Variants in DLG2 observed in about 807,000 individuals in gnomAD.
The protein encoded by DLG2 is disks large homolog 2.
In DLG2, 45 loss-of-function variants were observed where a neutral mutation model predicts 132.5. The observed-to-expected ratio is 0.34, with a 90% confidence interval of 0.27 to 0.44. The LOEUF (loss-of-function observed/expected upper bound fraction) is 0.44, where lower values mean the gene tolerates loss of function less well. Ranked by LOEUF, DLG2 falls within the 20% of genes least tolerant of loss-of-function variation. The pLI is 1.00. For synonymous variants in DLG2, 424 were observed against 419.6 expected, an observed-to-expected ratio of 1.01 and a Z score of -0.13; for missense variants, 1,045 against 1,196.9, an observed-to-expected ratio of 0.87 and a Z score of 1.87.
At chr11:85,583,126 GTGTGTATATATATATATATATATA>G (rs1232333991) in intron 3 of DLG2, among the ~76,000 whole-genome samples, 10 of 34,306 alleles carry the variant, frequency 2.9e-4, no homozygotes, top group Non-Finnish European at 5.3e-4. Flanking sequence ...GTGTGTGTGT[GTGTGTATATATATATATATATATA>G]TATATATATA....
intron 19 of DLG2, among the ~76,000 whole-genome samples, chr11:83,595,164 T>C (rs1476735630): frequency 6.6e-6 from 1 of 152,226 alleles, no homozygotes; most frequent in Non-Finnish European, 1.5e-5. Flanking sequence ...GCCCTTTGTT[T>C]CTCAAATGTA....
intron 10 of DLG2, among the ~76,000 whole-genome samples, chr11:84,074,290 C>T (rs2096794683): frequency 6.6e-6 from 1 of 152,012 alleles, no homozygotes; most frequent in Admixed American, 6.6e-5. Context: ...TTTCCTTCAC[C>T]CTCTACATCC....
chr11:83,470,245 TATA>T (rs1163491696), intron 24 of DLG2, among the ~76,000 whole-genome samples: 16 of 152,184 alleles, frequency 1.1e-4, no homozygotes, highest in African/African-American at 3.1e-4. Flanking sequence ...TTAATTGGGA[TATA>T]ATAATCATTT....
intron 4 of DLG2, among the ~76,000 whole-genome samples, chr11:85,212,330 C>T (rs1031475312): frequency 1.3e-5 from 2 of 151,938 alleles, no homozygotes; most frequent in Non-Finnish European, 1.5e-5. Context: ...TTTCTTTCTC[C>T]GTCTTTCTCT....
At chr11:85,624,762 T>A (rs767934895) in intron 2 of DLG2, among the ~76,000 whole-genome samples, 1 of 152,160 alleles carries the variant, frequency 6.6e-6, no homozygotes, top group Non-Finnish European at 1.5e-5. Flanking sequence ...ATACAACATA[T>A]ACTCTGGTAT....
chr11:84,734,824 T>C (rs1178632918), intron 6 of DLG2, among the ~76,000 whole-genome samples: 5 of 152,206 alleles, frequency 3.3e-5, no homozygotes, highest in Admixed American at 2.6e-4. Flanking sequence ...CAATACCTAA[T>C]TGATTGAGAG....
rs1183522538 is a variant in DLG2 at position 84,834,616 on chromosome 11, A to G, written c.357+277045T>C. ...CAACTCTAAAGAAAAATAGCAATGA[A>G]AGGAAGAGAAGCAGGGGGTTAGGAC... On this transcript the variant is annotated intron_variant, in intron 6 of 27. Transcript: ENST00000376104. 4.0e-5 allele frequency among the ~76,000 whole-genome samples: 6 copies of G among 151,652 alleles called. No homozygotes were observed. The East Asian group carries it at 1.2e-3, about 30-fold the overall frequency.
intron 26 of DLG2, among the ~76,000 whole-genome samples, chr11:83,464,695 C>A (rs1206281998): frequency 6.6e-6 from 1 of 152,214 alleles, no homozygotes; most frequent in African/African-American, 2.4e-5. Flanking sequence ...AGGCAGTAGA[C>A]CTTCTCCTAT....
chr11:84,266,922 G>A (rs1305531155), intron 7 of DLG2, among the ~76,000 whole-genome samples: 1 of 152,234 alleles, frequency 6.6e-6, no homozygotes, highest in African/African-American at 2.4e-5. Flanking sequence ...TGGCACTGCA[G>A]AAAGTAGGAA....
chr11:85,499,993 CTGAA>C (rs1175476635), intron 3 of DLG2, among the ~76,000 whole-genome samples: 4 of 152,136 alleles, frequency 2.6e-5, no homozygotes, highest in Non-Finnish European at 5.9e-5. Context: ...AAATATCACA[CTGAA>C]TGGGCAAAAG....
intron 6 of DLG2, among the ~76,000 whole-genome samples, chr11:84,549,108 G>T (rs1052198602): frequency 3.3e-5 from 5 of 152,294 alleles, no homozygotes; most frequent in Admixed American, 2.6e-4. Flanking sequence ...TTAATTTTGA[G>T]AACTGGCTGA....
At chr11:83,832,455 C>T (rs760309049) in intron 17 of DLG2, among the ~76,000 whole-genome samples, 1 of 152,086 alleles carries the variant, frequency 6.6e-6, no homozygotes, top group Non-Finnish European at 1.5e-5. Flanking sequence ...CCCTTTGCAC[C>T]AATGCAGATG....
At chr11:85,428,028 G>A (rs535135060) in intron 3 of DLG2, among the ~76,000 whole-genome samples, 2 of 152,266 alleles carry the variant, frequency 1.3e-5, no homozygotes, top group African/African-American at 4.8e-5. Flanking sequence ...AAGAGACAAA[G>A]AAGGCCATTA....
At chr11:85,480,346 G>C (rs1349355852) in intron 3 of DLG2, among the ~76,000 whole-genome samples, 2 of 151,976 alleles carry the variant, frequency 1.3e-5, no homozygotes, top group African/African-American at 2.4e-5. Context: ...TATCCTAATT[G>C]TCCATCAACA....
intron 18 of DLG2, among the ~76,000 whole-genome samples, chr11:83,781,574 G>A (rs1455153506): frequency 1.3e-5 from 2 of 152,084 alleles, no homozygotes; most frequent in African/African-American, 2.4e-5. Context: ...ACTATCTACC[G>A]AAGTTCCTCA....
chr11:85,429,787 G>A (rs2091039119), intron 3 of DLG2, among the ~76,000 whole-genome samples: 1 of 152,210 alleles, frequency 6.6e-6, no homozygotes, highest in African/African-American at 2.4e-5. Flanking sequence ...AACCATTGTG[G>A]AAGTCAGTGT....
intron 11 of DLG2, among the ~76,000 whole-genome samples, chr11:84,016,104 G>A (rs370365862): frequency 2.0e-5 from 3 of 151,836 alleles, no homozygotes; most frequent in Non-Finnish European, 2.9e-5. Context: ...ATCTCTTTGC[G>A]GTTTTTATTT....
chr11:84,901,187 T>C lies in DLG2; in HGVS notation c.357+210474A>G, dbSNP rs189788846. 1.1e-4 allele frequency among the ~76,000 whole-genome samples: 16 copies of C among 152,206 alleles called. No individual in the cohort carries two copies. The East Asian group carries it at 3.1e-3, about 29-fold the overall frequency. On this transcript the variant is annotated intron_variant, in intron 6 of 27. Coordinates refer to ENST00000376104, the MANE Select transcript of DLG2 (RefSeq NM_001142699.3). ...TCCCCAACAATAGCCATAATATATA[T>C]TTCCACATGATAAATGCTATGAGAA...
intron 8 of DLG2, among the ~76,000 whole-genome samples, chr11:84,205,563 A>C (rs1004320734): frequency 6.6e-6 from 1 of 152,036 alleles, no homozygotes; most frequent in Non-Finnish European, 1.5e-5. Context: ...ATTAAAAAAA[A>C]AAACAAAAAT....
Sources: allele counts gnomAD v4.1 joint callset (sites outside exome capture counted in the v4.1 genomes callset), GRCh38; gene constraint gnomAD v4.1.1; transcripts MANE v1.5; gene names NCBI Gene and HGNC (gene_info 2026-07-23, HGNC 2026-07-21).